Variants in GPR143 observed in about 807,000 individuals in gnomAD.
The protein encoded by GPR143 is G-protein coupled receptor 143.
Under a neutral mutation model 27.6 loss-of-function variants are expected in GPR143, and 8 were observed. The observed-to-expected ratio is 0.29, with a 90% CI of 0.17 to 0.52. The LOEUF (loss-of-function observed/expected upper bound fraction) is 0.52. Ranked by LOEUF, GPR143 falls within the 20% of genes least tolerant of loss-of-function variation. The pLI, the probability that GPR143 is intolerant of heterozygous loss-of-function variation, is 0.96. For synonymous variants in GPR143, 156 were observed against 153.2 expected (o/e 1.02, Z -0.13); for missense variants, 303 against 343.1 (o/e 0.88, Z 0.92).
intron 4 of GPR143, among the ~76,000 whole-genome samples, chrX:9,748,243 G>C (rs1305839893): frequency 3.5e-5 from 4 of 112,826 alleles, no homozygotes; most frequent in African/African-American, 1.3e-4. Flanking sequence ...TTAAGAGTGG[G>C]CATGAGAAAA....
Position 9,739,665 on chromosome X carries a change from T to A in GPR143, c.940A>T (p.Thr314Ser). ...GACTGAAAACCCAGGCTGCATCCTG[T>A]CCAGCCGTAGAAGGCCAAAGACAAG... ...FLLSLAFYGW[T>S]GCSLGFQSPR... is the part of the protein sequence containing the mutation. The change falls in exon 8 of 9, where the codon ACA (threonine) becomes TCA (serine). Residue 314 changes from threonine to serine, a missense_variant. Thr to Ser is a moderately conservative substitution (Grantham distance 58). Transcript: ENST00000467482. 1 of 1,195,434 alleles carries A rather than the reference T, an allele frequency of 8.4e-7. No homozygotes were observed. Among genetic ancestry groups the A allele is most frequent in the Non-Finnish European group, 1.1e-6 (1 of 886,526 alleles).
chrX:9,749,777 AG>A (rs2083443864), intron 3 of GPR143, among the ~76,000 whole-genome samples: 1 of 107,516 alleles, frequency 9.3e-6, no homozygotes, highest in African/African-American at 3.4e-5. Flanking sequence ...CTCTTTTTGT[AG>A]GGGTTAGGGG....
chrX:9,747,475 T>G, intron 4 of GPR143, among the ~76,000 whole-genome samples: 1 of 111,188 alleles, frequency 9.0e-6, no homozygotes, highest in Non-Finnish European at 1.9e-5. Context: ...AGAAACTCCC[T>G]TTCCAACTAA....
Position 9,730,210 on chromosome X carries a change from T to TCCAAGGCCCTAGG in GPR143, c.1121-4371_1121-4370insCCTAGGGCCTTGG, listed in dbSNP as rs1430457226. On this transcript the variant is annotated intron_variant, in intron 8 of 8. Coordinates refer to ENST00000467482, the MANE Select transcript of GPR143 (RefSeq NM_000273.3). ...TCCTCATCGTTAAGTGTTGCATGACTGTATATTGGATGTCCCTTGTGCCCT... is the reference window on the plus strand; with the variant it reads ...TCCTCATCGTTAAGTGTTGCATGACTCCAAGGCCCTAGGGTATATTGGATGTCCCTTGTGCCCT... Among the ~76,000 whole-genome samples the TCCAAGGCCCTAGG allele has an allele frequency of 1.0e-3, 68 of 67,047 alleles. 5 individuals are homozygous for TCCAAGGCCCTAGG. The highest frequency in any genetic ancestry group is 8.7e-3 in the East Asian group (9 of 1,038). 58.2% of individuals were successfully genotyped at this position (67,047 alleles called of 115,157 possible).
intron 3 of GPR143, among the ~76,000 whole-genome samples, chrX:9,750,029 G>A (rs191328066): frequency 0.016 from 1,748 of 112,568 alleles, 19 homozygotes; most frequent in Middle Eastern, 0.033. Context: ...GCCTCCCAAA[G>A]TGCTGGGATT....
intron 8 of GPR143, among the ~76,000 whole-genome samples, chrX:9,732,909 G>A (rs1451790771): frequency 9.6e-6 from 1 of 103,772 alleles, no homozygotes; most frequent in Non-Finnish European, 2.0e-5. Flanking sequence ...CTGAGAGAAA[G>A]AAGAGACGAG....
intron 1 of GPR143, among the ~76,000 whole-genome samples, chrX:9,777,081 TTGTGTCAATAAAACTTTA>T (rs2083573149): frequency 8.9e-6 from 1 of 112,119 alleles, no homozygotes; most frequent in Admixed American, 9.5e-5. Context: ...GGGCATGGTG[TTGTGTCAATAAAACTTTA>T]TTTGGAGGAA....
At chrX:9,747,671 C>G (rs893202113) in intron 4 of GPR143, among the ~76,000 whole-genome samples, 3 of 111,579 alleles carry the variant, frequency 2.7e-5, no homozygotes, top group African/African-American at 9.8e-5. Flanking sequence ...GATAAATTAT[C>G]TACACCAATT....
chrX:9,725,979 G>GAAA (rs2083324316), intron 8 of GPR143, 139 bp from the exon 9 acceptor site: 2 of 279,524 alleles, frequency 7.2e-6, no homozygotes, highest in Admixed American at 4.9e-4. Context: ...CATCTCATCT[G>GAAA]CAAAAAAAAA....
At chrX:9,762,053 C>T (rs1434780507) in intron 1 of GPR143, among the ~76,000 whole-genome samples, 1 of 111,258 alleles carries the variant, frequency 9.0e-6, no homozygotes, top group Non-Finnish European at 1.9e-5. Context: ...CACCACTGTA[C>T]TCCAGCCTGG....
intron 8 of GPR143, among the ~76,000 whole-genome samples, chrX:9,735,337 A>AT (rs1437265905): frequency 8.1e-5 from 9 of 111,249 alleles, no homozygotes; most frequent in African/African-American, 2.9e-4. Flanking sequence ...CAACGCCTCC[A>AT]TACCACGCTG....
At chrX:9,742,315 C>T (rs1267739986) in intron 6 of GPR143, among the ~76,000 whole-genome samples, 1 of 111,520 alleles carries the variant, frequency 9.0e-6, no homozygotes, top group African/African-American at 3.3e-5. Flanking sequence ...GTCACACAGG[C>T]TGGAGAGCAG....
intron 3 of GPR143, among the ~76,000 whole-genome samples, chrX:9,749,362 C>A (rs1322703427): frequency 9.1e-6 from 1 of 110,352 alleles, no homozygotes; most frequent in African/African-American, 3.3e-5. Flanking sequence ...GTCAATTAAA[C>A]CTCTTTCCTT....
chrX:9,741,222 G>T (rs2083402433), intron 7 of GPR143, 116 bp downstream of exon 7: 1 of 419,247 alleles, frequency 2.4e-6, no homozygotes. Context: ...GTTTAAGGCT[G>T]CAGTGAGCTA....
chrX:9,775,191 C>T (rs1430456650), intron 1 of GPR143, among the ~76,000 whole-genome samples: 1 of 112,230 alleles, frequency 8.9e-6, no homozygotes, highest in Non-Finnish European at 1.9e-5. Context: ...ACAGCCTGAT[C>T]TGTGGTGGTT....
chrX:9,760,662 G>A, intron 2 of GPR143, 55 bp downstream of exon 2: 2 of 645,505 alleles, frequency 3.1e-6, no homozygotes, highest in Non-Finnish European at 5.1e-6. Flanking sequence ...TGCTGCTGCT[G>A]CGATTTGAGG....
chrX:9,738,287 G>T, intron 8 of GPR143: 1 of 194,760 alleles, frequency 5.1e-6, no homozygotes, highest in Non-Finnish European at 7.8e-6. Context: ...AAAACAGCAG[G>T]ATGGGAATGC....
upstream of GPR143, among the ~76,000 whole-genome samples, chrX:9,766,911 A>T (rs1367408333): frequency 5.4e-3 from 364 of 67,198 alleles, no homozygotes; most frequent in African/African-American, 0.018. Context: ...TCTCACACAC[A>T]CACACACACA....
intron 8 of GPR143, among the ~76,000 whole-genome samples, chrX:9,739,085 T>C (rs1748580254): frequency 8.9e-6 from 1 of 112,653 alleles, no homozygotes; most frequent in Non-Finnish European, 1.9e-5. Context: ...CAAACATCTT[T>C]CTGCATATTA....
Sources: allele counts gnomAD v4.1 joint callset (sites outside exome capture counted in the v4.1 genomes callset), GRCh38; gene constraint gnomAD v4.1.1; transcripts MANE v1.5; gene names NCBI Gene and HGNC (gene_info 2026-07-23, HGNC 2026-07-21).